The following TRABD variants were observed in gnomAD, a reference collection of about 807,000 sequenced individuals.
The protein encoded by TRABD is TraB domain containing, also known as traB domain-containing protein.
A neutral mutation model predicts 39.6 loss-of-function variants in TRABD; 23 were observed. The observed-to-expected ratio is 0.58, with a 90% CI of 0.42 to 0.82. The LOEUF (loss-of-function observed/expected upper bound fraction) is 0.82. Among genes scored for constraint, TRABD ranks in the 40% least tolerant of loss-of-function variants. The pLI is 0.00. For missense variants in TRABD, 487 were observed against 544.9 expected (o/e 0.89, Z 1.06); for synonymous variants, 243 against 232.1 (o/e 1.05, Z -0.43).
chr22:50,198,300 G>A lies in TRABD; in HGVS notation c.957-45G>A, dbSNP rs1432421671. On this transcript the variant is annotated intron_variant, in intron 9 of 9. Coordinates refer to ENST00000380909, the MANE Select transcript of TRABD (RefSeq NM_001320485.2). This position sits in a 1 kb window ranked among gnomAD's most constrained non-coding sequence, Gnocchi z 7.9. ...ACCCAGGCATGGGGGCTGGGGTATG[G>A]GGAGCCCACCCCCAGCCAGGCCCAG... 1 of 1,519,260 alleles carries A rather than the reference G, an allele frequency of 6.6e-7. No individual in the cohort carries two copies. The highest frequency in any genetic ancestry group is 8.9e-7 in the Non-Finnish European group (1 of 1,122,318). The allele number at this position is 1,519,260 out of a possible 1,614,324, so 94.1% of individuals were successfully genotyped here. A position where few individuals can be genotyped will look rare whatever the true frequency, so the allele number is the denominator to read the frequency against.
At chr22:50,194,579 C>T (rs1261892427) in intron 4 of TRABD, 73 bp downstream of exon 4, 2 of 1,540,842 alleles carry the variant, frequency 1.3e-6, no homozygotes, top group Non-Finnish European at 1.8e-6. Flanking sequence ...CAGGGACCTC[C>T]CGGCAGGGCC....
chr22:50,192,066 T>G (rs1232862516), intron 1 of TRABD: 1 of 152,236 alleles, frequency 6.6e-6, no homozygotes, highest in Admixed American at 6.5e-5. Flanking sequence ...CCTGGCCTGT[T>G]TGGGATATTT....
At position 50,195,057 on chromosome 22, in the gene TRABD, AAGGGTC is replaced by A. The variant is rs571017527; in HGVS notation, c.420+30_420+35del. On this transcript the variant is annotated intron_variant, in intron 5 of 9. Coordinates refer to ENST00000380909, the MANE Select transcript of TRABD (RefSeq NM_001320485.2). The stretch of plus-strand genomic sequence containing the variant: ...GTGAGGCAGGTGCGCAGCCGCGGGC[AAGGGTC>A]AGGGTCAGGGTCGGGGTCAAAGCCA... 5.7e-5 allele frequency: 90 copies of A among 1,565,708 alleles called. No individual in the cohort carries two copies. Among genetic ancestry groups the A allele is most frequent in the East Asian group, 2.1e-4 (9 of 42,582 alleles).
intron 1 of TRABD, among the ~76,000 whole-genome samples, chr22:50,190,298 C>T (rs1202833626): frequency 6.6e-6 from 1 of 152,220 alleles, no homozygotes; most frequent in African/African-American, 2.4e-5. Flanking sequence ...GCAGCCGGCC[C>T]AGGAAAGCTT....
rs373695922 is a variant in TRABD, at chr22:50,194,328, C to A, written c.113-12C>A. The A allele has an allele frequency of 6.2e-7, 1 of 1,610,014 alleles. No homozygotes were observed. The highest frequency in any genetic ancestry group is 8.5e-7 in the Non-Finnish European group (1 of 1,178,190). ...GGGCCCGGCACCACAACGGCCTGTGCTGCTGTTGCAGCCGACGTGGACGCC... is the reference window on the plus strand; with the variant it reads ...GGGCCCGGCACCACAACGGCCTGTGATGCTGTTGCAGCCGACGTGGACGCC... On this transcript the variant is annotated splice_polypyrimidine_tract_variant and intron_variant, in intron 3 of 9. Coordinates refer to ENST00000380909, the MANE Select transcript of TRABD (RefSeq NM_001320485.2).
chr22:50,197,755 A>T, intron 7 of TRABD, 68 bp from the exon 8 acceptor site: 1 of 1,582,340 alleles, frequency 6.3e-7, no homozygotes, highest in South Asian at 1.1e-5. Flanking sequence ...CCCGGTGTCC[A>T]CAGTGCCAGC....
intron 1 of TRABD, among the ~76,000 whole-genome samples, chr22:50,188,433 C>G (rs898592070): frequency 7.2e-5 from 11 of 152,300 alleles, no homozygotes; most frequent in African/African-American, 2.6e-4. Context: ...TGGGAAAAAA[C>G]TTAACAGAAA....
chr22:50,195,494 G>A (rs1403370525), intron 5 of TRABD, among the ~76,000 whole-genome samples: 1 of 150,808 alleles, frequency 6.6e-6, no homozygotes, highest in Non-Finnish European at 1.5e-5. Context: ...ACAGAGTCTC[G>A]CTCTGTTGCC....
chr22:50,186,350 G>A (rs975861314), intron 1 of TRABD, among the ~76,000 whole-genome samples: 3 of 150,740 alleles, frequency 2.0e-5, no homozygotes, highest in Non-Finnish European at 3.0e-5. Context: ...TTTTGGAGCC[G>A]GGGGAGCAGG....
chr22:50,198,501 C>T lies in TRABD; in HGVS notation c.1113C>T (p.Thr371=), dbSNP rs769856680. The T allele has an allele frequency of 2.4e-5, 37 of 1,570,336 alleles. No individual in the cohort carries two copies. The highest frequency in any genetic ancestry group is 6.8e-5 in the East Asian group (3 of 44,036). ...CGCAGTACTGCCTGCAGAGGGTGAC[C>T]GAGGCCCGGCACAAGTAGGAGACTG... ...PAAQYCLQRV[T]EARHK Residue 371 remains threonine, a synonymous_variant, in exon 10 of 10, where the codon ACC becomes ACT. Coordinates refer to ENST00000380909, the MANE Select transcript of TRABD (RefSeq NM_001320485.2). This position sits in a 1 kb window ranked among gnomAD's most constrained non-coding sequence, Gnocchi z 7.9.
intron 5 of TRABD, 143 bp from the exon 6 acceptor site, chr22:50,197,098 C>T (rs2064138678): frequency 3.9e-6 from 3 of 777,346 alleles, no homozygotes; most frequent in Middle Eastern, 3.7e-4. Context: ...TGGTCCTGCA[C>T]CTGTCGGGGA....
At chr22:50,192,979 A>G in intron 1 of TRABD, 48 bp from the exon 2 acceptor site, 3 of 1,508,086 alleles carry the variant, frequency 2.0e-6, no homozygotes, top group Non-Finnish European at 1.8e-6. Flanking sequence ...GTCCTGAGCC[A>G]GGTCTGGGGC....
Position 50,197,063 on chromosome 22 carries a change from T to A in TRABD, c.421-178T>A, listed in dbSNP as rs2064137760. 3 of 611,050 alleles carry A rather than the reference T, an allele frequency of 4.9e-6. No individual in the cohort carries two copies. In the African/African-American group the frequency reaches 5.6e-5, roughly 11 times the overall value. The allele number at this position is 611,050 out of a possible 1,614,324, so 37.9% of individuals were successfully genotyped here. ...CCTGTTGGGACAGAACTCCCTGCTC[T>A]GGTCTGACCCTCTGCACGCTAGGGT... On this transcript the variant is annotated intron_variant, in intron 5 of 9. Transcript: ENST00000380909.
At chr22:50,197,765 C>CCCCCCCCCCCCCCCCCAGGG in intron 7 of TRABD, 58 bp from the exon 8 acceptor site, 2 of 754,058 alleles carry the variant, frequency 2.7e-6, no homozygotes, top group Non-Finnish European at 4.4e-6. Context: ...ACAGTGCCAG[C>CCCCCCCCCCCCCCCCCAGGG]CCCACCCCCC....
At chr22:50,195,164 G>A in intron 5 of TRABD, 124 bp downstream of exon 5, 1 of 1,298,478 alleles carries the variant, frequency 7.7e-7, no homozygotes, top group Non-Finnish European at 1.0e-6. Context: ...CCTGCCCTGG[G>A]GATTGCCGGG....
intron 5 of TRABD, 98 bp downstream of exon 5, chr22:50,195,138 G>A: frequency 1.4e-6 from 2 of 1,428,080 alleles, no homozygotes; most frequent in Non-Finnish European, 1.9e-6. Context: ...CCCCCAGTCA[G>A]TGTGGCTGTG....
At position 50,198,822 on chromosome 22, in the gene TRABD, C is replaced by T. The variant is rs560214361; in HGVS notation, c.*303C>T. 3.6e-3 allele frequency: 1,957 copies of T among 544,242 alleles called. 25 individuals carry two copies. Among genetic ancestry groups the T allele is most frequent in the Middle Eastern group, 4.8e-3 (10 of 2,066 alleles). 33.7% of individuals were successfully genotyped at this position (544,242 alleles called of 1,614,324 possible). On this transcript the variant is annotated 3_prime_UTR_variant, in exon 10 of 10. Coordinates refer to ENST00000380909, the MANE Select transcript of TRABD (RefSeq NM_001320485.2). This position sits in a 1 kb window ranked among gnomAD's most constrained non-coding sequence, Gnocchi z 7.9. ...CAGGGGCTTATAGGAGGGGCCGAGG[C>T]GTGCGCTGCCCTCTCAGCCCTGGTG...
chr22:50,193,286 C>T (rs1335497127), intron 2 of TRABD, among the ~76,000 whole-genome samples, 193 bp downstream of exon 2: 2 of 152,162 alleles, frequency 1.3e-5, no homozygotes, highest in African/African-American at 4.8e-5. Context: ...GTCTGCCCAG[C>T]TTGATGGCAG....
chr22:50,194,244 A>G, intron 3 of TRABD, 96 bp from the exon 4 acceptor site: 2 of 1,479,672 alleles, frequency 1.4e-6, no homozygotes, highest in East Asian at 2.3e-5. Flanking sequence ...TTCAGTTCTC[A>G]GAACCCAGGA....
Sources: gnomAD v4.1 joint callset for allele counts (sites outside exome capture counted in the v4.1 genomes callset) on GRCh38, gnomAD v4.1.1 for gene constraint, Gnocchi (gnomAD v3.1) non-coding constraint, MANE v1.5 for transcripts, NCBI Gene and HGNC (gene_info 2026-07-23, HGNC 2026-07-21) for gene names.